The following ANK2 variants were observed in gnomAD, a reference collection of about 807,000 sequenced individuals.
ANK2 encodes ankyrin 2, also known as ankyrin-2.
In ANK2, 83 loss-of-function variants were observed where a neutral mutation model predicts 360.5. That is an observed-to-expected ratio of 0.23 (90% confidence interval 0.19 to 0.28). The LOEUF (loss-of-function observed/expected upper bound fraction) is 0.28, where lower values mean the gene tolerates loss of function less well. Among genes scored for constraint, ANK2 ranks in the 10% least tolerant of loss-of-function variants. The probability of loss-of-function intolerance (pLI) is 1.00; values close to 1 mark genes in which losing one functional copy is unlikely to be tolerated. For synonymous variants in ANK2, 1,740 were observed against 1,759.5 expected (o/e 0.99, Z 0.28); for missense variants, 4,201 against 4,795.7 (o/e 0.88, Z 3.66).
In ANK2 at chr4:113,212,462, C is replaced by T. The variant is rs1367217005; in HGVS notation, c.384+13353C>T. Reference sequence around the variant, plus strand: ...TGGTTATTTCTACTCTTTATTTCTACTCTTAAAGCTATGAAGAAGAAGTTT... The same window carrying T: ...TGGTTATTTCTACTCTTTATTTCTATTCTTAAAGCTATGAAGAAGAAGTTT... On this transcript the variant is annotated intron_variant, in intron 4 of 45. Coordinates refer to ENST00000357077, the MANE Select transcript of ANK2 (RefSeq NM_001148.6). 5.9e-5 allele frequency among the ~76,000 whole-genome samples: 9 copies of T among 152,274 alleles called. No homozygotes were observed. The South Asian group carries it at 1.4e-3, about 25-fold the overall frequency.
chr4:113,072,010 C>T (rs2077746278), intron 1 of ANK2: 1 of 152,200 alleles, frequency 6.6e-6, no homozygotes, highest in African/African-American at 2.4e-5. Flanking sequence ...ATCAGGAGAA[C>T]AGGATGGGGG....
At chr4:112,766,041 A>C in the ANK2 span, among the ~76,000 whole-genome samples, 1 of 152,140 alleles carries the variant, frequency 6.6e-6, no homozygotes, top group African/African-American at 2.4e-5. Flanking sequence ...ATGCTTAATA[A>C]ATATTTGTTG....
intron 4 of ANK2, among the ~76,000 whole-genome samples, chr4:113,230,049 G>A (rs1460391926): frequency 1.3e-5 from 2 of 151,828 alleles, no homozygotes; most frequent in Non-Finnish European, 2.9e-5. Context: ...CTAGCCTTCC[G>A]CCACCTCTTC....
intron 24 of ANK2, among the ~76,000 whole-genome samples, chr4:113,314,551 C>G (rs141624238): frequency 6.6e-6 from 1 of 152,140 alleles, no homozygotes; most frequent in Non-Finnish European, 1.5e-5. Context: ...AACTGAATAG[C>G]AGAACCATTG....
In ANK2 at chr4:113,354,575, A is replaced by G. The variant is rs1455187261; in HGVS notation, c.5957A>G (p.Glu1986Gly). 1 of 1,613,978 alleles carries G rather than the reference A, an allele frequency of 6.2e-7. No individual in the cohort carries two copies. The highest frequency in any genetic ancestry group is 8.5e-7 in the Non-Finnish European group (1 of 1,179,992). ...ACTTCAAAAACAGAGAGGATTGAGG[A>G]AACCATGTCTGTTCGGGAGCTGATG... Reference protein sequence around the residue: ...SPTSKTERIEETMSVRELMKA... With the variant: ...SPTSKTERIEGTMSVRELMKA... Residue 1986 changes from glutamate to glycine, a missense_variant, in exon 38 of 46, where the codon GAA becomes GGA. Coordinates refer to ENST00000357077, the MANE Select transcript of ANK2 (RefSeq NM_001148.6).
intron 2 of ANK2, among the ~76,000 whole-genome samples, chr4:113,041,169 A>C (rs1286783281): frequency 6.6e-6 from 1 of 152,038 alleles, no homozygotes; most frequent in Non-Finnish European, 1.5e-5. Flanking sequence ...TCTTTACAAA[A>C]ACTTCAGATT....
rs767769233 is a variant in ANK2 at position 113,369,717 on chromosome 4, C to G, written c.11522C>G (p.Pro3841Arg). The G allele has an allele frequency of 6.2e-7, 1 of 1,613,940 alleles. No homozygotes were observed. The highest frequency in any genetic ancestry group is 8.5e-7 in the Non-Finnish European group (1 of 1,179,984). The change falls in exon 43 of 46, where the codon CCG (proline) becomes CGG (arginine). Residue 3841 changes from proline to arginine, a missense_variant. Pro to Arg is a moderately radical substitution (Grantham distance 103). Coordinates refer to ENST00000357077, the MANE Select transcript of ANK2 (RefSeq NM_001148.6). ...EPSEHREESSPRKTSLVIVES... is the reference protein window; with the variant it reads ...EPSEHREESSRRKTSLVIVES... ...TCAGAGCACAGAGAGGAGAGCTCTC[C>G]GCGGAAAACCAGCCTCGTAATAGTG...
At chr4:113,037,472 G>A (rs1344584098) in intron 2 of ANK2, among the ~76,000 whole-genome samples, 1 of 151,828 alleles carries the variant, frequency 6.6e-6, no homozygotes, top group African/African-American at 2.4e-5. Flanking sequence ...TTAACAGGCT[G>A]GCAAAAGTTA....
At chr4:112,706,253 C>A in the ANK2 span, among the ~76,000 whole-genome samples, 2 of 152,126 alleles carry the variant, frequency 1.3e-5, no homozygotes, top group African/African-American at 2.4e-5. Context: ...CGCCGGCACC[C>A]CATTGTCCTC....
the ANK2 span, among the ~76,000 whole-genome samples, chr4:112,808,921 G>A: frequency 9.2e-5 from 14 of 151,978 alleles, no homozygotes; most frequent in Admixed American, 2.6e-4. Flanking sequence ...AAAGTGGTGC[G>A]ATCTCGGCTC....
the ANK2 span, among the ~76,000 whole-genome samples, chr4:112,760,378 A>G: frequency 6.6e-6 from 1 of 151,960 alleles, no homozygotes; most frequent in Non-Finnish European, 1.5e-5. Context: ...TAGTAAAGAC[A>G]GGGTTTCACC....
At chr4:113,345,778 T>G in intron 34 of ANK2, 122 bp from the exon 35 acceptor site, 1 of 1,310,458 alleles carries the variant, frequency 7.6e-7, no homozygotes, top group East Asian at 2.4e-5. Flanking sequence ...AGAAAGGAAA[T>G]CCTTTGAGTT....
At chr4:113,380,782 A>C (rs568794208) in intron 45 of ANK2, among the ~76,000 whole-genome samples, 1 of 152,334 alleles carries the variant, frequency 6.6e-6, no homozygotes, top group South Asian at 2.1e-4. Context: ...TGAGGCTTGG[A>C]GAATCCGGAG....
intron 1 of ANK2, among the ~76,000 whole-genome samples, chr4:113,097,654 A>T (rs1476237084): frequency 6.6e-6 from 1 of 152,016 alleles, no homozygotes; most frequent in Non-Finnish European, 1.5e-5. Flanking sequence ...TGTTTGAAGG[A>T]CTATTAATTT....
At chr4:112,774,594 A>G in the ANK2 span, among the ~76,000 whole-genome samples, 240 of 152,346 alleles carry the variant, frequency 1.6e-3, no homozygotes, top group Middle Eastern at 3.4e-3. Context: ...TGAAGCTCTC[A>G]TAGAGGTTTA....
chr4:112,836,355 C>T (rs1198919128), intron 1 of ANK2, among the ~76,000 whole-genome samples: 1 of 152,180 alleles, frequency 6.6e-6, no homozygotes, highest in Non-Finnish European at 1.5e-5. Context: ...TACCCAGTCT[C>T]AGGTAGTATC....
In ANK2 at chr4:113,242,175, T is replaced by C; in HGVS notation, c.857T>C (p.Leu286Pro). 6.2e-7 allele frequency: 1 copy of C among 1,614,050 alleles called. No individual in the cohort carries two copies. Reference sequence around the variant, plus strand: ...AATACAAACATGGTGAAGCTCTTACTGGATCGAGGCGGTCAGATCGATGCC... The same window carrying C: ...AATACAAACATGGTGAAGCTCTTACCGGATCGAGGCGGTCAGATCGATGCC... The part of the protein sequence containing the change: ...RGNTNMVKLL[L>P]DRGGQIDAKT... The change falls in exon 9 of 46, where the codon CTG becomes CCG. Residue 286 changes from leucine (L) to proline (P), a missense_variant. Physicochemically the swap from Leu to Pro is moderately conservative, Grantham distance 98. Around this residue, in one of 4 missense-constraint regions of ANK2, gnomAD observed 122 missense variants for 239.3 expected, o/e 0.51. Coordinates refer to ENST00000357077, the MANE Select transcript of ANK2 (RefSeq NM_001148.6).
At chr4:113,316,602 T>C (rs2083096428) in intron 24 of ANK2, among the ~76,000 whole-genome samples, 1 of 152,240 alleles carries the variant, frequency 6.6e-6, no homozygotes, top group Non-Finnish European at 1.5e-5. Context: ...CTTCTATAAA[T>C]ATTGTGAAAG....
chr4:113,128,214 T>G (rs1424773554), intron 1 of ANK2, among the ~76,000 whole-genome samples: 2 of 152,212 alleles, frequency 1.3e-5, no homozygotes, highest in Admixed American at 1.3e-4. Flanking sequence ...AATTCAAATC[T>G]TAGCTCTACC....
Sources: allele counts gnomAD v4.1 joint callset (sites outside exome capture counted in the v4.1 genomes callset), GRCh38; gene constraint gnomAD v4.1.1; regional missense constraint gnomAD v4.1.1; transcripts MANE v1.5; gene names NCBI Gene and HGNC (gene_info 2026-07-23, HGNC 2026-07-21).